NCAM1: variants seen among roughly 807,000 people sequenced by gnomAD.
NCAM1 encodes neural cell adhesion molecule 1.
A neutral mutation model predicts 109.8 loss-of-function variants in NCAM1; 14 were observed. The ratio of observed to expected loss-of-function variants is 0.13; its 90% CI spans 0.08 to 0.20. The LOEUF is 0.20. NCAM1 is among the 10% of genes least tolerant of loss of function. The pLI is 1.00. For missense variants in NCAM1, 774 were observed against 1,109.9 expected (o/e 0.70, Z 4.30); for synonymous variants, 418 against 442.9 (o/e 0.94, Z 0.70).
At chr11:113,075,609 A>T (rs947749528) in intron 1 of NCAM1, among the ~76,000 whole-genome samples, 4 of 152,120 alleles carry the variant, frequency 2.6e-5, no homozygotes, top group Non-Finnish European at 5.9e-5. Context: ...TACAAATATG[A>T]GTTTGAATAG....
At chr11:113,237,266 G>A (rs898894225) in intron 14 of NCAM1, among the ~76,000 whole-genome samples, 1 of 152,080 alleles carries the variant, frequency 6.6e-6, no homozygotes, top group Non-Finnish European at 1.5e-5. Flanking sequence ...TGTTACCCAG[G>A]CAGACACAGA....
At chr11:113,027,026 G>T (rs1185832004) in intron 1 of NCAM1, among the ~76,000 whole-genome samples, 1 of 152,196 alleles carries the variant, frequency 6.6e-6, no homozygotes, top group Non-Finnish European at 1.5e-5. Context: ...CACAGAGAAG[G>T]ACAACGATGA....
At chr11:113,023,113 G>A (rs1555076537) in intron 1 of NCAM1, among the ~76,000 whole-genome samples, 1 of 152,140 alleles carries the variant, frequency 6.6e-6, no homozygotes, top group East Asian at 1.9e-4. Context: ...TGCAGACCCT[G>A]GCACAACTGC....
At chr11:113,071,869 A>G (rs1555085336) in intron 1 of NCAM1, among the ~76,000 whole-genome samples, 1 of 152,116 alleles carries the variant, frequency 6.6e-6, no homozygotes, top group African/African-American at 2.4e-5. Context: ...TGCCAGTTAG[A>G]CACCGTGGCT....
chr11:113,105,759 A>G (rs1940127412), intron 1 of NCAM1, among the ~76,000 whole-genome samples: 1 of 152,228 alleles, frequency 6.6e-6, no homozygotes, highest in South Asian at 2.1e-4. Context: ...GCCAGAAGCT[A>G]GGCAGGGAGA....
intron 1 of NCAM1, among the ~76,000 whole-genome samples, chr11:113,171,063 A>G (rs1179502354): frequency 6.6e-6 from 1 of 152,164 alleles, no homozygotes; most frequent in South Asian, 2.1e-4. Context: ...TGGATTAATG[A>G]GTGCTGGTTT....
rs1201639455 is a variant in NCAM1, at chr11:112,963,479, C to T, written c.52+1815C>T. 1 of 152,214 alleles carries T rather than the reference C, an allele frequency of 6.6e-6. No homozygotes were observed. Among genetic ancestry groups the T allele is most frequent in the Non-Finnish European group, 1.5e-5 (1 of 68,124 alleles). The allele number at this position is 152,214 out of a possible 1,614,324, so 9.4% of individuals were successfully genotyped here. On this transcript the variant is annotated intron_variant, in intron 1 of 19. Transcript: ENST00000316851. This position sits in a 1 kb window ranked among gnomAD's most constrained non-coding sequence, Gnocchi z 4.6. ...GTGCGCTGACCGGCCGACCGCGGGC[C>T]GGGGGCTCTACTGACGGCGGGGCGG...
chr11:113,104,650 T>A (rs1940067901), intron 1 of NCAM1, among the ~76,000 whole-genome samples: 1 of 152,132 alleles, frequency 6.6e-6, no homozygotes, highest in Admixed American at 6.5e-5. Context: ...GCAAACCACC[T>A]CTGGTAATTT....
At chr11:113,264,279 G>A (rs1946086605) in intron 17 of NCAM1, 5 of 985,106 alleles carry the variant, frequency 5.1e-6, no homozygotes, top group Non-Finnish European at 6.0e-6. Flanking sequence ...TCAAAGACTA[G>A]CCTTTCCCTT....
At chr11:113,170,364 C>T (rs566739527) in intron 1 of NCAM1, among the ~76,000 whole-genome samples, 5 of 152,316 alleles carry the variant, frequency 3.3e-5, no homozygotes, top group East Asian at 3.9e-4. Flanking sequence ...AAAATAGGAT[C>T]GCTGTCCTTT....
chr11:113,127,375 T>C (rs1941220020), intron 1 of NCAM1, among the ~76,000 whole-genome samples: 1 of 152,214 alleles, frequency 6.6e-6, no homozygotes, highest in South Asian at 2.1e-4. Flanking sequence ...GAAGACTGTG[T>C]ACAGAAAACT....
At chr11:113,022,291 T>A (rs543007643) in intron 1 of NCAM1, among the ~76,000 whole-genome samples, 1 of 152,206 alleles carries the variant, frequency 6.6e-6, no homozygotes, top group Non-Finnish European at 1.5e-5. Context: ...TGTTTATGAC[T>A]CTAGGGAAGA....
Position 113,214,466 on chromosome 11 carries a change from C to T in NCAM1, c.1014C>T (p.Ser338=). 6.2e-7 allele frequency: 1 copy of T among 1,612,742 alleles called. No individual in the cohort carries two copies. The highest frequency in any genetic ancestry group is 8.5e-7 in the Non-Finnish European group (1 of 1,179,330). The change falls in exon 8 of 20, where the codon TCC becomes TCT. Residue 338 remains serine, a synonymous_variant. Transcript: ENST00000316851. The part of the protein sequence containing the change: ...TCEASGDPIP[S]ITWRTSTRNI... ...AAGCCTCCGGAGACCCCATTCCCTC[C>T]ATCACCTGGAGGACTTCTACCCGGA...
chr11:113,263,063 G>C (rs1262504631), intron 17 of NCAM1: 1 of 1,412,078 alleles, frequency 7.1e-7, no homozygotes, highest in Non-Finnish European at 9.2e-7. Context: ...AGAAGGTTTT[G>C]TGATTGGAAA....
chr11:112,961,858 G>A (rs1174316596), intron 1 of NCAM1, among the ~76,000 whole-genome samples, 194 bp downstream of exon 1: 2 of 152,090 alleles, frequency 1.3e-5, no homozygotes, highest in East Asian at 3.9e-4. Flanking sequence ...GCGCTGCACG[G>A]GGCTGCCTCC....
intron 1 of NCAM1, among the ~76,000 whole-genome samples, chr11:113,043,731 C>G (rs1185665468): frequency 6.6e-6 from 1 of 152,158 alleles, no homozygotes; most frequent in Non-Finnish European, 1.5e-5. Flanking sequence ...ATTCCCTCCT[C>G]AGAGTCTCCT....
Position 112,963,030 on chromosome 11 carries a change from G to T in NCAM1, c.52+1366G>T, listed in dbSNP as rs1325714115. On this transcript the variant is annotated intron_variant, in intron 1 of 19. Coordinates refer to ENST00000316851, the MANE Select transcript of NCAM1 (RefSeq NM_181351.5). The surrounding 1 kb of genome is among the most constrained non-coding windows in gnomAD (Gnocchi z 4.6). ...CACCCAGTGCGCCCCCTCCGCGGGC[G>T]GCACAAGAGCAGCGCTCGGCCGCCG... Among the ~76,000 whole-genome samples the T allele has an allele frequency of 6.6e-6, 1 of 152,118 alleles. No homozygotes were observed. Among genetic ancestry groups the T allele is most frequent in the Admixed American group, 6.5e-5 (1 of 15,288 alleles).
At chr11:113,271,528 C>A (rs1452570119) in intron 18 of NCAM1, among the ~76,000 whole-genome samples, 1 of 152,096 alleles carries the variant, frequency 6.6e-6, no homozygotes, top group Non-Finnish European at 1.5e-5. Flanking sequence ...CATAACTAGG[C>A]AAAGTAACAG....
chr11:113,136,167 A>C (rs1055948351), intron 1 of NCAM1, among the ~76,000 whole-genome samples: 9 of 152,228 alleles, frequency 5.9e-5, no homozygotes, highest in Non-Finnish European at 1.0e-4. Flanking sequence ...TTTAAAAAGT[A>C]ATACATAGCA....
Sources: gnomAD v4.1 joint callset for allele counts (sites outside exome capture counted in the v4.1 genomes callset) on GRCh38, gnomAD v4.1.1 for gene constraint, Gnocchi (gnomAD v3.1) non-coding constraint, MANE v1.5 for transcripts, NCBI Gene and HGNC (gene_info 2026-07-23, HGNC 2026-07-21) for gene names.